HPCAL1: variants seen among roughly 807,000 people sequenced by gnomAD.
The protein encoded by HPCAL1 is hippocalcin-like protein 1.
HPCAL1 carries 8 observed loss-of-function variants against 17.1 expected under a neutral mutation model. That is an observed-to-expected ratio of 0.47 (90% CI 0.27 to 0.84). The LOEUF (loss-of-function observed/expected upper bound fraction) is 0.84, where lower values mean the gene tolerates loss of function less well. Ranked by LOEUF, HPCAL1 falls within the 40% of genes least tolerant of loss-of-function variation. The probability of loss-of-function intolerance (pLI) is 0.13; values close to 1 mark genes in which losing one functional copy is unlikely to be tolerated. For missense variants in HPCAL1, 165 were observed against 271.1 expected (o/e 0.61, Z 2.75); for synonymous variants, 112 against 111.4 (o/e 1.01, Z -0.03).
intron 1 of HPCAL1, among the ~76,000 whole-genome samples, chr2:10,313,378 C>A (rs1558449659): frequency 6.6e-6 from 1 of 152,184 alleles, no homozygotes; most frequent in Non-Finnish European, 1.5e-5. Context: ...ACAATGTCTG[C>A]CCAGATGTGT....
At chr2:10,314,803 T>C (rs187044565) in intron 1 of HPCAL1, among the ~76,000 whole-genome samples, 22 of 152,378 alleles carry the variant, frequency 1.4e-4, no homozygotes, top group African/African-American at 5.3e-4. Flanking sequence ...TGTAAACTAC[T>C]GACCAGATTT....
intron 1 of HPCAL1, among the ~76,000 whole-genome samples, chr2:10,329,494 G>A (rs1303592312): frequency 6.6e-6 from 1 of 152,234 alleles, no homozygotes; most frequent in Non-Finnish European, 1.5e-5. Flanking sequence ...GAGCCAGAGT[G>A]TGGTGGCCTA....
chr2:10,364,998 G>A (rs1186511016), intron 1 of HPCAL1, among the ~76,000 whole-genome samples: 7 of 152,196 alleles, frequency 4.6e-5, no homozygotes, highest in Non-Finnish European at 1.0e-4. Flanking sequence ...GTACATCTCT[G>A]TGATGTCACC....
At chr2:10,349,896 CTGTTAA>C (rs1665733979) in intron 1 of HPCAL1, among the ~76,000 whole-genome samples, 1 of 152,048 alleles carries the variant, frequency 6.6e-6, no homozygotes, top group Non-Finnish European at 1.5e-5. Flanking sequence ...ACTATCCACA[CTGTTAA>C]TGCATTTTCT....
chr2:10,396,575 A>G (rs2125574860), intron 1 of HPCAL1, among the ~76,000 whole-genome samples: 1 of 152,314 alleles, frequency 6.6e-6, no homozygotes, highest in East Asian at 1.9e-4. Flanking sequence ...ACCTCACTCG[A>G]AGGGTGGCCA....
intron 1 of HPCAL1, among the ~76,000 whole-genome samples, chr2:10,374,715 G>A (rs1005044469): frequency 6.6e-6 from 1 of 152,234 alleles, no homozygotes; most frequent in Non-Finnish European, 1.5e-5. Flanking sequence ...CAGCAGGGAG[G>A]TCTCAGAGTG....
chr2:10,311,689 G>A (rs1662968603), intron 1 of HPCAL1, among the ~76,000 whole-genome samples: 1 of 152,078 alleles, frequency 6.6e-6, no homozygotes, highest in African/African-American at 2.4e-5. Context: ...AGTGTAAAGG[G>A]CTCACTGTGG....
chr2:10,420,999 G>A (rs1157128996), intron 3 of HPCAL1, among the ~76,000 whole-genome samples: 1 of 151,956 alleles, frequency 6.6e-6, no homozygotes, highest in African/African-American at 2.4e-5. Context: ...CACCTCAGTT[G>A]ATCTGCCTTC....
intron 1 of HPCAL1, among the ~76,000 whole-genome samples, chr2:10,370,207 A>G (rs544473947): frequency 6.6e-6 from 1 of 152,094 alleles, no homozygotes; most frequent in Non-Finnish European, 1.5e-5. Context: ...CCATTCCCCA[A>G]ATCGCCTCTG....
Position 10,377,498 on chromosome 2 carries a change from C to G in HPCAL1, c.-110-19337C>G. 6.6e-6 allele frequency among the ~76,000 whole-genome samples: 1 copy of G among 152,146 alleles called. No individual in the cohort carries two copies. Among genetic ancestry groups the G allele is most frequent in the East Asian group, 1.9e-4 (1 of 5,184 alleles). On this transcript the variant is annotated intron_variant, in intron 1 of 4. Transcript: ENST00000307845. This position sits in a 1 kb window ranked among gnomAD's most constrained non-coding sequence, Gnocchi z 5.9. ...CTGCCATCTGAGTGTCACGACCACA[C>G]CCCCATCCCTGTCCTTTCACGCACT...
chr2:10,335,672 A>G (rs556362750), intron 1 of HPCAL1, among the ~76,000 whole-genome samples: 19 of 152,218 alleles, frequency 1.2e-4, no homozygotes, highest in Non-Finnish European at 2.4e-4. Context: ...TGGTATTCTC[A>G]CGCTCAACAG....
intron 1 of HPCAL1, among the ~76,000 whole-genome samples, chr2:10,358,495 G>A (rs1188800478): frequency 5.3e-5 from 8 of 152,150 alleles, no homozygotes; most frequent in African/African-American, 1.9e-4. Context: ...GACCACCCTG[G>A]CCCACCACAC....
At chr2:10,320,222 C>T (rs1315390115) in intron 1 of HPCAL1, among the ~76,000 whole-genome samples, 2 of 152,160 alleles carry the variant, frequency 1.3e-5, no homozygotes, top group African/African-American at 4.8e-5. Context: ...TATCTTTCCA[C>T]TTGGTTAGGG....
chr2:10,423,147 G>A, intron 4 of HPCAL1, 59 bp downstream of exon 4: 2 of 1,289,594 alleles, frequency 1.6e-6, no homozygotes, highest in Non-Finnish European at 2.2e-6. Flanking sequence ...AAAACCATGT[G>A]GTTTGGGGCA....
At chr2:10,314,355 G>C (rs1663170170) in intron 1 of HPCAL1, among the ~76,000 whole-genome samples, 1 of 152,076 alleles carries the variant, frequency 6.6e-6, no homozygotes, top group African/African-American at 2.4e-5. Flanking sequence ...CTGTGGGTTG[G>C]TTTCATGCAT....
intron 1 of HPCAL1, among the ~76,000 whole-genome samples, chr2:10,353,620 T>C (rs568706464): frequency 8.5e-5 from 13 of 152,296 alleles, no homozygotes; most frequent in African/African-American, 2.6e-4. Flanking sequence ...CAGGCTGGAG[T>C]GCAGTGACAT....
At chr2:10,346,171 C>T (rs1665429991) in intron 1 of HPCAL1, among the ~76,000 whole-genome samples, 1 of 151,876 alleles carries the variant, frequency 6.6e-6, no homozygotes, top group Admixed American at 6.6e-5. Flanking sequence ...CCCAGTAGGA[C>T]ACTAGCACAG....
At chr2:10,350,925 G>A (rs139554386) in intron 1 of HPCAL1, among the ~76,000 whole-genome samples, 27 of 152,270 alleles carry the variant, frequency 1.8e-4, no homozygotes, top group African/African-American at 6.0e-4. Context: ...AAACTCCAGC[G>A]GAGATGAGGA....
intron 1 of HPCAL1, among the ~76,000 whole-genome samples, chr2:10,379,355 A>C (rs1459991618): frequency 4.0e-5 from 6 of 150,742 alleles, no homozygotes; most frequent in African/African-American, 1.5e-4. Flanking sequence ...TTGGAGGGAA[A>C]GTGTTTGTGA....
Sources: gnomAD v4.1 joint callset for allele counts (sites outside exome capture counted in the v4.1 genomes callset) on GRCh38, gnomAD v4.1.1 for gene constraint, Gnocchi (gnomAD v3.1) non-coding constraint, MANE v1.5 for transcripts, NCBI Gene and HGNC (gene_info 2026-07-23, HGNC 2026-07-21) for gene names.